Variants in DIP2C observed in about 807,000 individuals in gnomAD.
The protein encoded by DIP2C is disco-interacting protein 2 homolog C.
A neutral mutation model predicts 192.4 loss-of-function variants in DIP2C; 33 were observed. That is an observed-to-expected ratio of 0.17 (90% CI 0.13 to 0.23). The LOEUF (loss-of-function observed/expected upper bound fraction) is 0.23, where lower values mean the gene tolerates loss of function less well. Ranked by LOEUF, DIP2C falls within the 10% of genes least tolerant of loss-of-function variation. The pLI is 1.00. For missense variants in DIP2C, 1,537 were observed against 2,110.1 expected (o/e 0.73, Z 5.32); for synonymous variants, 979 against 864.1 (o/e 1.13, Z -2.33).
intron 1 of DIP2C, among the ~76,000 whole-genome samples, chr10:587,333 C>T (rs1051718977): frequency 5.9e-5 from 9 of 152,212 alleles, no homozygotes; most frequent in Non-Finnish European, 8.8e-5. Flanking sequence ...CTCCAAGTTC[C>T]GCGTCAGTAA....
chr10:501,647 C>CT (rs1845236521), intron 1 of DIP2C, among the ~76,000 whole-genome samples: 1 of 151,970 alleles, frequency 6.6e-6, no homozygotes, highest in Non-Finnish European at 1.5e-5. Flanking sequence ...TACAAGGTGA[C>CT]TTGCAGAACA....
intron 32 of DIP2C, among the ~76,000 whole-genome samples, chr10:293,328 A>G (rs1329038445): frequency 6.6e-6 from 1 of 152,234 alleles, no homozygotes; most frequent in Non-Finnish European, 1.5e-5. Flanking sequence ...AACAGGACGC[A>G]GGGAAACCCG....
At chr10:669,920 A>C (rs1264190905) in intron 1 of DIP2C, among the ~76,000 whole-genome samples, 1 of 152,246 alleles carries the variant, frequency 6.6e-6, no homozygotes, top group Non-Finnish European at 1.5e-5. Flanking sequence ...TATTCATTTA[A>C]TATGACAATT....
chr10:423,059 T>C (rs1205997308), intron 4 of DIP2C, 26 bp from the exon 5 acceptor site: 4 of 1,564,392 alleles, frequency 2.6e-6, no homozygotes, highest in African/African-American at 2.7e-5. Context: ...GGTGATTTGC[T>C]GTATGTTGCA....
At chr10:504,887 CAG>C (rs1017824101) in intron 1 of DIP2C, among the ~76,000 whole-genome samples, 3 of 152,334 alleles carry the variant, frequency 2.0e-5, no homozygotes, top group East Asian at 1.9e-4. Flanking sequence ...CCGTCATACT[CAG>C]AGAAGAGGTG....
intron 1 of DIP2C, among the ~76,000 whole-genome samples, chr10:540,944 A>G (rs1057508116): frequency 6.6e-6 from 1 of 152,194 alleles, no homozygotes; most frequent in African/African-American, 2.4e-5. Context: ...CATGGTAGGA[A>G]GGTGGTGGTC....
At chr10:656,361 C>T (rs979810155) in intron 1 of DIP2C, among the ~76,000 whole-genome samples, 1 of 152,182 alleles carries the variant, frequency 6.6e-6, no homozygotes, top group African/African-American at 2.4e-5. Context: ...TTCTGCACTA[C>T]TCTGTATAAT....
intron 14 of DIP2C, among the ~76,000 whole-genome samples, chr10:386,999 A>G (rs183389731): frequency 2.0e-5 from 3 of 152,260 alleles, no homozygotes; most frequent in Admixed American, 2.0e-4. Context: ...TTTCCCTACA[A>G]CACACACAGA....
chr10:378,416 C>T (rs948579486), intron 17 of DIP2C, among the ~76,000 whole-genome samples: 2 of 152,198 alleles, frequency 1.3e-5, no homozygotes, highest in African/African-American at 4.8e-5. Flanking sequence ...GACATGAAGG[C>T]ATGCATGCAT....
chr10:414,101 GGTT>G lies in DIP2C; in HGVS notation c.866_868del (p.Gln289del), dbSNP rs1312516758. The G allele has an allele frequency of 4.3e-6, 7 of 1,611,420 alleles. No homozygotes were observed. The highest frequency in any genetic ancestry group is 5.9e-6 in the Non-Finnish European group (7 of 1,177,962). On this transcript the variant is annotated inframe_deletion, in exon 8 of 37. Transcript: ENST00000280886. ...CTCCGGCTTTGGTTGGTTCGGATCC[GGTT>G]GTTGAACTAAATCGTTTGAATACAA...
At position 419,159 on chromosome 10, in the gene DIP2C, T is replaced by C. The variant is rs369657605; in HGVS notation, c.645A>G (p.Ser215=). Reference sequence around the variant, plus strand: ...GTCTCTCCACCTGTATCGAGTGCTCTGAGGTGTACGTGGTTACGTCAGGAG... The same window carrying C: ...GTCTCTCCACCTGTATCGAGTGCTCCGAGGTGTACGTGGTTACGTCAGGAG... ...SAPPDVTTYT[S]EHSIQVERPQ... is the part of the protein sequence containing the mutation. The change falls in exon 6 of 37, where the codon TCA becomes TCG. Residue 215 remains serine, a synonymous_variant. Coordinates refer to ENST00000280886, the MANE Select transcript of DIP2C (RefSeq NM_014974.3). 7.4e-6 allele frequency: 12 copies of C among 1,614,144 alleles called. No individual in the cohort carries two copies. The African/African-American group carries it at 1.5e-4, about 20-fold the overall frequency.
intron 1 of DIP2C, among the ~76,000 whole-genome samples, chr10:591,808 A>AC (rs1201097226): frequency 7.9e-5 from 12 of 151,000 alleles, no homozygotes; most frequent in Admixed American, 2.0e-4. Context: ...CCTTTTCAGA[A>AC]CTTCCACAGG....
chr10:647,892 G>T (rs553782937), intron 1 of DIP2C, among the ~76,000 whole-genome samples: 24 of 148,662 alleles, frequency 1.6e-4, no homozygotes, highest in Admixed American at 3.3e-4. Context: ...CGTCGACATT[G>T]GATGGTGGGA....
At chr10:617,525 TC>T (rs1295858478) in intron 1 of DIP2C, among the ~76,000 whole-genome samples, 1 of 152,070 alleles carries the variant, frequency 6.6e-6, no homozygotes, top group African/African-American at 2.4e-5. Flanking sequence ...CAGGGCCAAC[TC>T]CCAACAGTAG....
intron 1 of DIP2C, among the ~76,000 whole-genome samples, chr10:566,647 G>GC (rs1849483222): frequency 6.6e-6 from 1 of 152,254 alleles, no homozygotes; most frequent in Non-Finnish European, 1.5e-5. Context: ...TTTCTTCATA[G>GC]CAACCCCTGG....
chr10:580,389 C>T (rs1423323485), intron 1 of DIP2C, among the ~76,000 whole-genome samples: 1 of 152,056 alleles, frequency 6.6e-6, no homozygotes, highest in Non-Finnish European at 1.5e-5. Context: ...TATAAGTACA[C>T]AAATGTGCAA....
At chr10:634,684 G>C (rs1051896288) in intron 1 of DIP2C, among the ~76,000 whole-genome samples, 2 of 151,934 alleles carry the variant, frequency 1.3e-5, no homozygotes, top group South Asian at 4.2e-4. Flanking sequence ...CCAGGAGGCA[G>C]AGATTGCAGT....
chr10:297,436 C>T lies in DIP2C; in HGVS notation c.3987-9015G>A, dbSNP rs547290333. On this transcript the variant is annotated intron_variant, in intron 32 of 36. Coordinates refer to ENST00000280886, the MANE Select transcript of DIP2C (RefSeq NM_014974.3). ...GATATGAATCCACCCAGGAGTCCAA[C>T]AGCAGATGAATGGATATGGAAGGTG... Among the ~76,000 whole-genome samples, 6 of 152,124 alleles carry T rather than the reference C, an allele frequency of 3.9e-5. No homozygotes were observed. The South Asian group carries it at 1.0e-3, about 26-fold the overall frequency.
intron 32 of DIP2C, among the ~76,000 whole-genome samples, chr10:307,071 T>A (rs1408696775): frequency 6.6e-6 from 1 of 152,180 alleles, no homozygotes; most frequent in Non-Finnish European, 1.5e-5. Context: ...CCACGTGATC[T>A]CTGCACTTGT....
Sources: allele counts gnomAD v4.1 joint callset (sites outside exome capture counted in the v4.1 genomes callset), GRCh38; gene constraint gnomAD v4.1.1; transcripts MANE v1.5; gene names NCBI Gene and HGNC (gene_info 2026-07-23, HGNC 2026-07-21).